Variants in CTDP1 observed in about 807,000 individuals in gnomAD.
CTDP1 encodes RNA polymerase II subunit A C-terminal domain phosphatase.
In CTDP1, 47 loss-of-function variants were observed where a neutral mutation model predicts 91.8. That is an observed-to-expected ratio of 0.51 (90% confidence interval 0.41 to 0.65). The LOEUF is 0.65. Ranked by LOEUF, CTDP1 falls within the 30% of genes least tolerant of loss-of-function variation. The pLI is 0.00. For missense variants in CTDP1, 1,272 were observed against 1,373.7 expected (o/e 0.93, Z 1.17); for synonymous variants, 656 against 598.5 (o/e 1.10, Z -1.40).
At chr18:79,738,756 T>C (rs2086718242) in intron 12 of CTDP1, among the ~76,000 whole-genome samples, 1 of 152,248 alleles carries the variant, frequency 6.6e-6, no homozygotes, top group African/African-American at 2.4e-5. Flanking sequence ...ATCACTTGAT[T>C]TGCAGCTCTG....
chr18:79,752,147 T>A (rs1490285513), intron 12 of CTDP1, among the ~76,000 whole-genome samples: 1 of 152,262 alleles, frequency 6.6e-6, no homozygotes, highest in Non-Finnish European at 1.5e-5. Flanking sequence ...TCGGCTCACG[T>A]CACAGAAACC....
intron 12 of CTDP1, among the ~76,000 whole-genome samples, chr18:79,747,197 C>T (rs370103661): frequency 5.9e-5 from 9 of 152,176 alleles, no homozygotes; most frequent in Non-Finnish European, 1.0e-4. Flanking sequence ...TAAAGAGCCC[C>T]GGCCTGGCAG....
At chr18:79,743,230 G>A (rs762613885) in intron 12 of CTDP1, among the ~76,000 whole-genome samples, 2 of 152,038 alleles carry the variant, frequency 1.3e-5, no homozygotes, top group Non-Finnish European at 2.9e-5. Flanking sequence ...ATGTGGTATC[G>A]TACAGTGAAG....
chr18:79,703,759 G>T (rs1012658736), intron 4 of CTDP1: 1 of 152,220 alleles, frequency 6.6e-6, no homozygotes, highest in Admixed American at 6.5e-5. Context: ...GTTATCAGGG[G>T]TGGTTATGTC....
Position 79,717,614 on chromosome 18 carries a change from G to A in CTDP1, c.2148G>A (p.Glu716=). The A allele has an allele frequency of 6.2e-7, 1 of 1,613,974 alleles. No individual in the cohort carries two copies. The highest frequency in any genetic ancestry group is 8.5e-7 in the Non-Finnish European group (1 of 1,179,976). Residue 716 remains glutamate, a synonymous_variant, in exon 9 of 13, where the codon GAG becomes GAA. Transcript: ENST00000613122. ...CTGACTGGCTGTGGAGCTGCCTGGA[G>A]CGCTGGGACAAGGTGGAGGAGCAGC... The part of the protein sequence containing the change: ...VNPDWLWSCL[E]RWDKVEEQLF...
chr18:79,696,076 C>A lies in CTDP1; in HGVS notation c.492+6C>A. 6.2e-7 allele frequency: 1 copy of A among 1,609,858 alleles called. No individual in the cohort carries two copies. On this transcript the variant is annotated splice_donor_region_variant and intron_variant, in intron 3 of 12. Coordinates refer to ENST00000613122, the MANE Select transcript of CTDP1 (RefSeq NM_004715.5). ...AGTTGATGGTGAGCTCCGAGGTGAG[C>A]CGGGCATCAGTGGCGGCGTGTTGGG...
intron 10 of CTDP1, among the ~76,000 whole-genome samples, chr18:79,723,344 C>T (rs886391849): frequency 1.6e-4 from 24 of 152,272 alleles, no homozygotes; most frequent in Middle Eastern, 3.4e-3. Flanking sequence ...GAGGTGGCCC[C>T]GTCTCCCCAC....
chr18:79,696,981 G>T (rs189578351), intron 3 of CTDP1, among the ~76,000 whole-genome samples: 2 of 152,230 alleles, frequency 1.3e-5, no homozygotes, highest in Non-Finnish European at 2.9e-5. Context: ...TAGTAAATTC[G>T]TGCTTTTAAA....
At chr18:79,699,159 C>T (rs989977382) in intron 4 of CTDP1, among the ~76,000 whole-genome samples, 2 of 152,168 alleles carry the variant, frequency 1.3e-5, no homozygotes, top group Non-Finnish European at 2.9e-5. Context: ...TTGTGTGTCT[C>T]GTGGCATCTT....
intron 2 of CTDP1, among the ~76,000 whole-genome samples, chr18:79,695,683 T>TA (rs1220797308): frequency 4.6e-5 from 7 of 152,140 alleles, no homozygotes; most frequent in Non-Finnish European, 1.0e-4. Context: ...GGCAGCTACT[T>TA]TTTCTGCGTT....
chr18:79,747,019 C>T (rs915439310), intron 12 of CTDP1, among the ~76,000 whole-genome samples: 2 of 152,226 alleles, frequency 1.3e-5, no homozygotes, highest in Admixed American at 6.5e-5. Context: ...CTGCCAGCCA[C>T]TCTGGTGCCT....
rs2086125852 is a variant in CTDP1 at position 79,713,576 on chromosome 18, A to C, written c.1030+438A>C. On this transcript the variant is annotated intron_variant, in intron 7 of 12. Coordinates refer to ENST00000613122, the MANE Select transcript of CTDP1 (RefSeq NM_004715.5). This position sits in a 1 kb window ranked among gnomAD's most constrained non-coding sequence, Gnocchi z 4.7. ...GGGGCCCCAGAGAGCAGCGTGGTTT[A>C]ACTTGTCAGTCAGGCATGCAGCTGA... is the stretch of plus-strand genomic sequence containing the variant. Among the ~76,000 whole-genome samples, 1 of 152,228 alleles carries C rather than the reference A, an allele frequency of 6.6e-6. No homozygotes were observed. The highest frequency in any genetic ancestry group is 2.4e-5 in the African/African-American group (1 of 41,462).
At chr18:79,697,678 G>A (rs1235425510) in intron 3 of CTDP1, among the ~76,000 whole-genome samples, 182 bp from the exon 4 acceptor site, 2 of 152,170 alleles carry the variant, frequency 1.3e-5, no homozygotes, top group African/African-American at 4.8e-5. Flanking sequence ...GGTCACAAGC[G>A]AGGTTGCCGT....
intron 6 of CTDP1, among the ~76,000 whole-genome samples, chr18:79,712,547 G>A (rs2086105518): frequency 6.6e-6 from 1 of 152,222 alleles, no homozygotes; most frequent in South Asian, 2.1e-4. Context: ...CTCCCGAAGT[G>A]CTGGAATTGC....
intron 12 of CTDP1, among the ~76,000 whole-genome samples, chr18:79,742,971 A>AACTCAAC (rs1406385522): frequency 6.6e-6 from 1 of 152,214 alleles, no homozygotes; most frequent in Non-Finnish European, 1.5e-5. Context: ...GAAATAAAAC[A>AACTCAAC]ACTCTTTGTA....
chr18:79,701,165 G>T (rs1000776082), intron 4 of CTDP1, among the ~76,000 whole-genome samples: 2 of 152,126 alleles, frequency 1.3e-5, no homozygotes, highest in Non-Finnish European at 2.9e-5. Context: ...CATCCACCCT[G>T]CAGCCCAGGG....
chr18:79,712,694 TC>T (rs900707748), intron 6 of CTDP1, among the ~76,000 whole-genome samples: 5 of 152,312 alleles, frequency 3.3e-5, no homozygotes, highest in South Asian at 2.1e-4. Context: ...TTGGGTTTCG[TC>T]CCCGTGGCCC....
In CTDP1 at chr18:79,719,383, C is replaced by T. The variant is rs182633486; in HGVS notation, c.2417+1367C>T. On this transcript the variant is annotated intron_variant, in intron 10 of 12. Transcript: ENST00000613122. The stretch of plus-strand genomic sequence containing the variant: ...GGTGGCTTCCCGTGCGGCAGCCTGG[C>T]GACGCTCTGGGACCTAGGGGGTGGG... Among the ~76,000 whole-genome samples, 241 of 151,328 alleles carry T rather than the reference C, an allele frequency of 1.6e-3. 1 individual carries two copies. The highest frequency in any genetic ancestry group is 5.3e-3 in the African/African-American group (219 of 41,180).
chr18:79,744,499 C>G (rs1417087516), intron 12 of CTDP1, among the ~76,000 whole-genome samples: 1 of 152,184 alleles, frequency 6.6e-6, no homozygotes, highest in Non-Finnish European at 1.5e-5. Context: ...GGATTCAGAG[C>G]TTTAACTATG....
Sources: allele counts gnomAD v4.1 joint callset (sites outside exome capture counted in the v4.1 genomes callset), GRCh38; gene constraint gnomAD v4.1.1; non-coding constraint Gnocchi (gnomAD v3.1); transcripts MANE v1.5; gene names NCBI Gene and HGNC (gene_info 2026-07-23, HGNC 2026-07-21).